The following STX8 variants were observed in gnomAD, a reference collection of about 807,000 sequenced individuals.
STX8 encodes the protein syntaxin-8.
A neutral mutation model predicts 37.5 loss-of-function variants in STX8; 23 were observed. That is an observed-to-expected ratio of 0.61 (90% CI 0.44 to 0.87). The LOEUF (loss-of-function observed/expected upper bound fraction) is 0.87. Ranked by LOEUF, STX8 falls within the 40% of genes least tolerant of loss-of-function variation. The pLI, the probability that STX8 is intolerant of heterozygous loss-of-function variation, is 0.00. For missense variants in STX8, 313 were observed against 284.7 expected (o/e 1.10, Z -0.71); for synonymous variants, 115 against 99.1 (o/e 1.16, Z -0.95).
intron 6 of STX8, among the ~76,000 whole-genome samples, chr17:9,429,011 A>G (rs1029805528): frequency 6.6e-6 from 1 of 152,100 alleles, no homozygotes; most frequent in Non-Finnish European, 1.5e-5. Context: ...TATTTCATGA[A>G]AGGGTACCTT....
chr17:9,498,261 G>A (rs1567586943), intron 5 of STX8, among the ~76,000 whole-genome samples: 1 of 152,064 alleles, frequency 6.6e-6, no homozygotes, highest in African/African-American at 2.4e-5. Context: ...GCAGTGGCAT[G>A]CACCTGTAGT....
chr17:9,323,390 A>T (rs977753668), intron 7 of STX8, among the ~76,000 whole-genome samples: 3 of 152,224 alleles, frequency 2.0e-5, no homozygotes, highest in African/African-American at 7.2e-5. Flanking sequence ...ATTTTCTTCA[A>T]GAGCTATGAT....
chr17:9,522,368 A>G (rs1392382904), intron 4 of STX8, among the ~76,000 whole-genome samples: 1 of 151,928 alleles, frequency 6.6e-6, no homozygotes, highest in Non-Finnish European at 1.5e-5. Context: ...TAGAAACACA[A>G]TGCACTGGTT....
chr17:9,570,893 G>T lies in STX8; in HGVS notation c.18-2423C>A, dbSNP rs571803044. ...CTGGATGACCACGAAGTTAAAGCAG[G>T]TCTCTTATTCAGACAGGAGGGAGGA... On this transcript the variant is annotated intron_variant, in intron 1 of 7. Transcript: ENST00000306357. Among the ~76,000 whole-genome samples the T allele has an allele frequency of 3.3e-5, 5 of 152,294 alleles. No individual in the cohort carries two copies. The East Asian group carries it at 9.6e-4, about 29-fold the overall frequency.
chr17:9,314,335 A>G (rs1909302872), intron 7 of STX8, among the ~76,000 whole-genome samples: 1 of 152,156 alleles, frequency 6.6e-6, no homozygotes, highest in Non-Finnish European at 1.5e-5. Context: ...GTCTTGCTAT[A>G]CTTATACTAC....
rs149474384 is a variant in STX8 at position 9,294,017 on chromosome 17, G to A, written c.644-43372C>T. Among the ~76,000 whole-genome samples the A allele has an allele frequency of 2.1e-4, 32 of 152,086 alleles. No homozygotes were observed. The East Asian group carries it at 5.8e-3, about 28-fold the overall frequency. On this transcript the variant is annotated intron_variant, in intron 7 of 7. Coordinates refer to ENST00000306357, the MANE Select transcript of STX8 (RefSeq NM_004853.3). ...CCTGACCTAGTGATCTGCCCGTCTC[G>A]GCCTCCCAAAGTGCTGGGATTACAG... is the stretch of plus-strand genomic sequence containing the variant.
chr17:9,388,140 C>T (rs1356091400), intron 6 of STX8, among the ~76,000 whole-genome samples: 2 of 146,710 alleles, frequency 1.4e-5, no homozygotes, highest in Admixed American at 6.9e-5. Context: ...GGTGTGATCT[C>T]GGCTCACTGC....
chr17:9,302,095 C>T lies in STX8; in HGVS notation c.644-51450G>A, dbSNP rs78208671. On this transcript the variant is annotated intron_variant, in intron 7 of 7. Transcript: ENST00000306357. ...GGGGAGGATAATTCTTTGTACACTC[C>T]TCCTGTTTCTTTCTCAGTTACTGTT... 2.3e-3 allele frequency among the ~76,000 whole-genome samples: 355 copies of T among 152,250 alleles called. 2 individuals carry two copies. The highest frequency in any genetic ancestry group is 4.5e-3 in the Admixed American group (69 of 15,292).
chr17:9,512,743 T>G (rs974292366), intron 4 of STX8, among the ~76,000 whole-genome samples: 9 of 152,122 alleles, frequency 5.9e-5, no homozygotes, highest in African/African-American at 2.2e-4. Flanking sequence ...CCAAGCCTAC[T>G]CATTTTTAAC....
intron 7 of STX8, among the ~76,000 whole-genome samples, chr17:9,346,477 G>A (rs1286357889): frequency 1.3e-5 from 2 of 152,064 alleles, no homozygotes; most frequent in Non-Finnish European, 2.9e-5. Context: ...GAAGTACCAC[G>A]GAAAGAAAAA....
chr17:9,342,336 G>A (rs1319530847), intron 7 of STX8, among the ~76,000 whole-genome samples: 3 of 152,156 alleles, frequency 2.0e-5, no homozygotes, highest in Admixed American at 1.3e-4. Context: ...CCAGAGCCAG[G>A]TTGGAGCTCT....
chr17:9,300,830 C>CTTTTTTTT (rs1164799565), intron 7 of STX8, among the ~76,000 whole-genome samples: 9 of 90,904 alleles, frequency 9.9e-5, no homozygotes, highest in Non-Finnish European at 1.5e-4. Flanking sequence ...TTATTTTGTT[C>CTTTTTTTT]TTTTTTTTTT....
chr17:9,468,631 G>A (rs1021599507), intron 6 of STX8, among the ~76,000 whole-genome samples: 1 of 152,152 alleles, frequency 6.6e-6, no homozygotes, highest in African/African-American at 2.4e-5. Flanking sequence ...TTCAAGCAAG[G>A]CCTTTCTGCC....
At chr17:9,453,275 T>A (rs546106462) in intron 6 of STX8, among the ~76,000 whole-genome samples, 1 of 152,262 alleles carries the variant, frequency 6.6e-6, no homozygotes, top group African/African-American at 2.4e-5. Context: ...AGGAAGATCA[T>A]TATGAATCAG....
At chr17:9,407,437 T>G (rs111881648) in intron 6 of STX8, among the ~76,000 whole-genome samples, 1 of 152,204 alleles carries the variant, frequency 6.6e-6, no homozygotes, top group African/African-American at 2.4e-5. Context: ...AACCAAACAA[T>G]AGAAATGTGT....
chr17:9,379,861 G>A (rs921242713), intron 6 of STX8, among the ~76,000 whole-genome samples: 13 of 152,012 alleles, frequency 8.6e-5, no homozygotes, highest in African/African-American at 2.9e-4. Flanking sequence ...CTACCTACTC[G>A]GGAGGCTGAG....
chr17:9,575,719 G>A, intron 1 of STX8, 73 bp downstream of exon 1: 1 of 1,526,080 alleles, frequency 6.6e-7, no homozygotes. Flanking sequence ...AATGCGAAGT[G>A]ATTGCCTGCT....
chr17:9,382,637 TA>T (rs1473322280), intron 6 of STX8, among the ~76,000 whole-genome samples: 2 of 152,194 alleles, frequency 1.3e-5, no homozygotes, highest in African/African-American at 4.8e-5. Context: ...AAACTCACTA[TA>T]AAGCATAGTG....
intron 7 of STX8, among the ~76,000 whole-genome samples, chr17:9,253,207 G>GGGGTGTGT (rs750265739): frequency 2.8e-5 from 4 of 140,940 alleles, no homozygotes; most frequent in Non-Finnish European, 6.1e-5. Context: ...CAGGGGTAGG[G>GGGGTGTGT]GTGTGTGTGT....
Sources: gnomAD v4.1 joint callset for allele counts (sites outside exome capture counted in the v4.1 genomes callset) on GRCh38, gnomAD v4.1.1 for gene constraint, MANE v1.5 for transcripts, NCBI Gene and HGNC (gene_info 2026-07-23, HGNC 2026-07-21) for gene names.